NAALADL2: variants seen among roughly 807,000 people sequenced by gnomAD.
NAALADL2 encodes the protein inactive N-acetylated-alpha-linked acidic dipeptidase-like protein 2.
NAALADL2 carries 76 observed loss-of-function variants against 87.2 expected under a neutral mutation model. That is an observed-to-expected ratio of 0.87 (90% CI 0.72 to 1.05). The LOEUF is 1.05. NAALADL2 is among the 50% of genes least tolerant of loss of function. The pLI, the probability that NAALADL2 is intolerant of heterozygous loss-of-function variation, is 0.00. For missense variants in NAALADL2, 1,089 were observed against 945.8 expected (o/e 1.15, Z -1.99); for synonymous variants, 354 against 331.0 (o/e 1.07, Z -0.75).
chr3:175,711,825 C>T (rs911506965), intron 11 of NAALADL2, among the ~76,000 whole-genome samples: 1 of 139,672 alleles, frequency 7.2e-6, no homozygotes, highest in African/African-American at 3.0e-5. Context: ...AAATACAAAG[C>T]TTTCAGTTTT....
chr3:174,732,329 GTAGAAAC>G (rs1341623468), intron 2 of NAALADL2, among the ~76,000 whole-genome samples: 2 of 152,202 alleles, frequency 1.3e-5, no homozygotes, highest in African/African-American at 4.8e-5. Context: ...TGGAAAATAA[GTAGAAAC>G]TAGGCAAGAG....
chr3:174,631,456 G>A (rs951576503), intron 2 of NAALADL2, among the ~76,000 whole-genome samples: 1 of 152,074 alleles, frequency 6.6e-6, no homozygotes, highest in African/African-American at 2.4e-5. Context: ...GTTCTGCAAT[G>A]ACAAAATGCA....
intron 3 of NAALADL2, among the ~76,000 whole-genome samples, chr3:174,773,694 G>A (rs1265124764): frequency 6.6e-6 from 1 of 152,148 alleles, no homozygotes; most frequent in East Asian, 1.9e-4. Context: ...GCAAGAGAAA[G>A]CTTTCCATCA....
At chr3:174,854,468 T>C (rs1183100796), upstream of NAALADL2, among the ~76,000 whole-genome samples, 1 of 152,148 alleles carries the variant, frequency 6.6e-6, no homozygotes, top group Non-Finnish European at 1.5e-5. Flanking sequence ...TAGTGTTTGG[T>C]AGCACAATAG....
chr3:174,657,586 A>G (rs547785403), intron 2 of NAALADL2, among the ~76,000 whole-genome samples: 14 of 152,158 alleles, frequency 9.2e-5, no homozygotes, highest in Non-Finnish European at 1.9e-4. Context: ...TCAATATTTT[A>G]GTTAGAATGG....
intron 1 of NAALADL2, among the ~76,000 whole-genome samples, chr3:174,490,610 A>G (rs892520382): frequency 2.6e-5 from 4 of 152,146 alleles, no homozygotes; most frequent in Non-Finnish European, 5.9e-5. Context: ...TCAATTTTAA[A>G]TGAAAGCGGC....
chr3:174,641,630 G>C (rs1293541653), intron 2 of NAALADL2, among the ~76,000 whole-genome samples: 1 of 152,212 alleles, frequency 6.6e-6, no homozygotes, highest in Non-Finnish European at 1.5e-5. Flanking sequence ...GATCCTAAGA[G>C]TCAGTCTTCA....
At chr3:175,680,329 G>T (rs2149879099) in intron 11 of NAALADL2, among the ~76,000 whole-genome samples, 1 of 152,218 alleles carries the variant, frequency 6.6e-6, no homozygotes, top group Non-Finnish European at 1.5e-5. Flanking sequence ...GCTTTCCATT[G>T]ATTTATTTAC....
At chr3:174,747,316 C>T (rs1260581457) in intron 3 of NAALADL2, among the ~76,000 whole-genome samples, 1 of 152,046 alleles carries the variant, frequency 6.6e-6, no homozygotes, top group African/African-American at 2.4e-5. Context: ...GGCCAAAAAA[C>T]ATATGAAGAA....
At chr3:174,466,387 C>T (rs1432580854) in intron 1 of NAALADL2, among the ~76,000 whole-genome samples, 2 of 151,740 alleles carry the variant, frequency 1.3e-5, no homozygotes, top group South Asian at 2.1e-4. Context: ...AAGATTGGAC[C>T]CCCCCTGGGT....
At chr3:175,488,186 G>A (rs1454370134) in intron 9 of NAALADL2, among the ~76,000 whole-genome samples, 2 of 152,176 alleles carry the variant, frequency 1.3e-5, no homozygotes, top group African/African-American at 4.8e-5. Context: ...GACATAATTA[G>A]TAATTTCTCT....
chr3:174,946,358 G>A (rs1328945494), intron 1 of NAALADL2, among the ~76,000 whole-genome samples: 2 of 152,052 alleles, frequency 1.3e-5, no homozygotes, highest in African/African-American at 2.4e-5. Context: ...GGTAAAGATG[G>A]CAGATTTTGG....
chr3:175,786,482 T>C (rs544272587), intron 13 of NAALADL2, among the ~76,000 whole-genome samples: 118 of 149,888 alleles, frequency 7.9e-4, no homozygotes, highest in African/African-American at 2.8e-3. Context: ...TTTCTTCCAG[T>C]TGATCGCATC....
intron 1 of NAALADL2, among the ~76,000 whole-genome samples, chr3:174,498,884 A>C (rs1718713951): frequency 6.6e-6 from 1 of 151,956 alleles, no homozygotes; most frequent in Non-Finnish European, 1.5e-5. Context: ...TCTGTTTACA[A>C]TTGTCCACCC....
At chr3:175,746,755 G>A (rs1424253183) in intron 12 of NAALADL2, among the ~76,000 whole-genome samples, 1 of 152,142 alleles carries the variant, frequency 6.6e-6, no homozygotes, top group African/African-American at 2.4e-5. Context: ...AATTAATAGA[G>A]AAGTTTAATA....
intron 10 of NAALADL2, among the ~76,000 whole-genome samples, chr3:175,577,746 TG>T (rs1468047105): frequency 6.6e-6 from 1 of 152,188 alleles, no homozygotes; most frequent in South Asian, 2.1e-4. Flanking sequence ...ATTGCTTTAG[TG>T]GGAGAATTTT....
intron 4 of NAALADL2, among the ~76,000 whole-genome samples, chr3:175,290,975 T>G (rs1477393246): frequency 6.6e-6 from 1 of 152,302 alleles, no homozygotes. Context: ...ATAAATTTCC[T>G]TGGGCAATGG....
intron 1 of NAALADL2, among the ~76,000 whole-genome samples, chr3:174,477,490 T>G (rs1022551066): frequency 6.6e-6 from 1 of 152,172 alleles, no homozygotes; most frequent in East Asian, 1.9e-4. Flanking sequence ...ACTTAGAGAC[T>G]GACAACTTAG....
At chr3:174,750,122 T>C (rs975578584) in intron 3 of NAALADL2, among the ~76,000 whole-genome samples, 1 of 152,240 alleles carries the variant, frequency 6.6e-6, no homozygotes, top group Non-Finnish European at 1.5e-5. Context: ...TTGTTTTATA[T>C]GCATCTTTAT....
Sources: gnomAD v4.1 joint callset for allele counts (sites outside exome capture counted in the v4.1 genomes callset) on GRCh38, gnomAD v4.1.1 for gene constraint, MANE v1.5 for transcripts, NCBI Gene and HGNC (gene_info 2026-07-23, HGNC 2026-07-21) for gene names.